DSCAML1: variants seen among roughly 807,000 people sequenced by gnomAD.
DSCAML1 encodes DS cell adhesion molecule like 1, also known as cell adhesion molecule DSCAML1.
DSCAML1 carries 38 observed loss-of-function variants against 200.5 expected under a neutral mutation model. That is an observed-to-expected ratio of 0.19 (90% CI 0.15 to 0.25). The LOEUF is 0.25. Ranked by LOEUF, DSCAML1 falls within the 10% of genes least tolerant of loss-of-function variation. DSCAML1 has a pLI of 1.00. For missense variants in DSCAML1, 2,223 were observed against 2,858.8 expected (o/e 0.78, Z 5.07); for synonymous variants, 1,215 against 1,165.0 (o/e 1.04, Z -0.87).
chr11:117,760,351 G>A (rs977331127), intron 3 of DSCAML1, among the ~76,000 whole-genome samples: 16 of 152,146 alleles, frequency 1.1e-4, no homozygotes, highest in African/African-American at 3.6e-4. Context: ...AGAGGTAAGC[G>A]CTACCCTGAA....
chr11:117,454,805 A>G (rs2048343317), intron 19 of DSCAML1, among the ~76,000 whole-genome samples: 1 of 152,216 alleles, frequency 6.6e-6, no homozygotes, highest in African/African-American at 2.4e-5. Context: ...GGTAACTTAA[A>G]TTCAATTTCC....
At chr11:117,755,992 G>A (rs934117542) in intron 3 of DSCAML1, among the ~76,000 whole-genome samples, 1 of 152,180 alleles carries the variant, frequency 6.6e-6, no homozygotes. Flanking sequence ...GAAAAGAGGC[G>A]GAAGCTTACT....
intron 3 of DSCAML1, among the ~76,000 whole-genome samples, chr11:117,648,092 C>T (rs532609447): frequency 1.4e-3 from 207 of 152,324 alleles, no homozygotes; most frequent in African/African-American, 4.7e-3. Flanking sequence ...TGACCAGCAC[C>T]GCCCTCTCCC....
At chr11:117,773,633 G>A (rs73587439) in intron 3 of DSCAML1, among the ~76,000 whole-genome samples, 9,071 of 151,464 alleles carry the variant, frequency 0.06, 285 homozygotes, top group Non-Finnish European at 0.069. Context: ...ATAAAAAATC[G>A]AACTACTTTC....
intron 30 of DSCAML1, 134 bp downstream of exon 30, chr11:117,432,218 C>CA: frequency 9.4e-7 from 1 of 1,066,812 alleles, no homozygotes; most frequent in Non-Finnish European, 1.3e-6. Flanking sequence ...ACGCTCATTC[C>CA]AGTGCTTTCC....
intron 3 of DSCAML1, among the ~76,000 whole-genome samples, chr11:117,608,585 G>C (rs1279372531): frequency 6.6e-6 from 1 of 152,172 alleles, no homozygotes; most frequent in East Asian, 1.9e-4. Context: ...CCAGCATGTA[G>C]GGTGCCCATG....
intron 3 of DSCAML1, among the ~76,000 whole-genome samples, chr11:117,641,877 T>C (rs2052416459): frequency 6.6e-6 from 1 of 152,122 alleles, no homozygotes. Context: ...TTCATGGTGC[T>C]GAGAAGAGGT....
intron 3 of DSCAML1, among the ~76,000 whole-genome samples, chr11:117,621,370 G>C (rs920932460): frequency 7.2e-5 from 11 of 152,146 alleles, no homozygotes; most frequent in African/African-American, 2.4e-4. Context: ...AAATTTATTT[G>C]CTAATGTTTG....
chr11:117,586,892 T>A (rs1239196468), intron 3 of DSCAML1, among the ~76,000 whole-genome samples: 1 of 152,230 alleles, frequency 6.6e-6, no homozygotes, highest in Non-Finnish European at 1.5e-5. Flanking sequence ...TGGCTTGCTC[T>A]GCACAGCGCT....
chr11:117,468,588 G>A (rs1451442666), intron 16 of DSCAML1, among the ~76,000 whole-genome samples: 4 of 152,072 alleles, frequency 2.6e-5, no homozygotes, highest in Non-Finnish European at 4.4e-5. Flanking sequence ...TTGGATGCCC[G>A]GCCTCACCCC....
chr11:117,586,541 T>C (rs2051146487), intron 3 of DSCAML1, among the ~76,000 whole-genome samples: 1 of 152,180 alleles, frequency 6.6e-6, no homozygotes, highest in Non-Finnish European at 1.5e-5. Flanking sequence ...GCTCTCTCTG[T>C]TCTCAGTTCT....
At chr11:117,809,281 C>T (rs1423287651) in intron 1 of DSCAML1, among the ~76,000 whole-genome samples, 1 of 152,232 alleles carries the variant, frequency 6.6e-6, no homozygotes, top group Non-Finnish European at 1.5e-5. Context: ...CGCGTCTGCA[C>T]TCCTGGAAAG....
chr11:117,577,871 G>C (rs1363914942), intron 3 of DSCAML1, among the ~76,000 whole-genome samples: 1 of 150,998 alleles, frequency 6.6e-6, no homozygotes, highest in African/African-American at 2.4e-5. Flanking sequence ...CCGGCCCTAA[G>C]CAAGATTTTG....
chr11:117,481,556 A>AG (rs1199270561), intron 12 of DSCAML1, among the ~76,000 whole-genome samples: 1 of 35,664 alleles, frequency 2.8e-5, no homozygotes, highest in Non-Finnish European at 5.0e-5. Context: ...GGAGGGGCTG[A>AG]GGGGGTCCCA....
chr11:117,686,958 T>C (rs1039973864), intron 3 of DSCAML1, among the ~76,000 whole-genome samples: 3 of 152,236 alleles, frequency 2.0e-5, no homozygotes, highest in African/African-American at 4.8e-5. Context: ...ACATTGAATG[T>C]CTTTCCTCTT....
chr11:117,732,881 C>T (rs1002931932), intron 3 of DSCAML1, among the ~76,000 whole-genome samples: 3 of 151,962 alleles, frequency 2.0e-5, no homozygotes, highest in South Asian at 2.1e-4. Flanking sequence ...CCAGATCCTA[C>T]GAACGTCGGT....
At chr11:117,460,083 G>A (rs929997707) in intron 18 of DSCAML1, among the ~76,000 whole-genome samples, 1 of 152,258 alleles carries the variant, frequency 6.6e-6, no homozygotes, top group African/African-American at 2.4e-5. Context: ...GGGGATTACT[G>A]AGGCTAATAC....
chr11:117,654,776 C>G (rs2052700685), intron 3 of DSCAML1, among the ~76,000 whole-genome samples: 1 of 152,172 alleles, frequency 6.6e-6, no homozygotes, highest in African/African-American at 2.4e-5. Context: ...TGCACACCCA[C>G]CCCTGTCCTC....
chr11:117,816,704 C>T (rs1191241474), intron 1 of DSCAML1, among the ~76,000 whole-genome samples: 1 of 152,092 alleles, frequency 6.6e-6, no homozygotes, highest in Non-Finnish European at 1.5e-5. Context: ...AGGGAGCCCA[C>T]TTCCTTCACT....
Sources: allele counts gnomAD v4.1 joint callset (sites outside exome capture counted in the v4.1 genomes callset), GRCh38; gene constraint gnomAD v4.1.1; transcripts MANE v1.5; gene names NCBI Gene and HGNC (gene_info 2026-07-23, HGNC 2026-07-21).